NLRP7: variants seen among roughly 807,000 people sequenced by gnomAD.
NLRP7 encodes NLR family pyrin domain containing 7.
Under a neutral mutation model 85.5 loss-of-function variants are expected in NLRP7, and 72 were observed. The ratio of observed to expected loss-of-function variants is 0.84; its 90% CI spans 0.70 to 1.02. The LOEUF (loss-of-function observed/expected upper bound fraction) is 1.02. NLRP7 is among the 50% of genes least tolerant of loss of function. The pLI, the probability that NLRP7 is intolerant of heterozygous loss-of-function variation, is 0.00. For synonymous variants in NLRP7, 550 were observed against 505.2 expected (o/e 1.09, Z -1.19); for missense variants, 1,243 against 1,219.5 (o/e 1.02, Z -0.29).
exon 4 of NLRP7, chr19:54,940,110 C>G: frequency 6.2e-7 from 1 of 1,614,206 alleles, no homozygotes; most frequent in Non-Finnish European, 8.5e-7. Flanking sequence ...CTTGGAATGT[C>G]ATCCTGCAAT....
In NLRP7 at chr19:54,938,078, C is replaced by T. The variant is rs77072552; in HGVS notation, c.2095G>A (p.Val699Ile). 2,487 of 1,614,018 alleles carry T rather than the reference C, an allele frequency of 1.5e-3. 70 individuals carry two copies. The East Asian group carries it at 0.044, about 29-fold the overall frequency. The stretch of plus-strand genomic sequence containing the variant: ...TGCAGATGACAGGTGCTACGGGTTA[C>T]GTGGTCACAAAGAATCCGCACAGAA... Residue 699 changes from valine to isoleucine, a missense_variant, in exon 5 of 10, where the codon GTA (valine) becomes ATA (isoleucine). Around this residue, in one of 3 missense-constraint regions of NLRP7, gnomAD observed 613 missense variants for 588.4 expected, o/e 1.04. Transcript: ENST00000340844.
chr19:54,951,843 C>T (rs373135286), upstream of NLRP7, among the ~76,000 whole-genome samples: 61 of 152,020 alleles, frequency 4.0e-4, no homozygotes, highest in East Asian at 8.0e-3. Context: ...CTCCGCCTCC[C>T]GGGTTCACAC....
At chr19:54,940,351 C>T (rs759303474) in exon 4 of NLRP7, 13 of 1,614,000 alleles carry the variant, frequency 8.1e-6, no homozygotes, top group Non-Finnish European at 1.1e-5. Context: ...ATGGAATGAA[C>T]CGTTGGTTTC....
chr19:54,952,994 G>C (rs112512494), intron 1 of NLRP7: 10,729 of 152,150 alleles, frequency 0.071, 492 homozygotes, highest in Non-Finnish European at 0.097. Context: ...AAATTAGTCA[G>C]GCGTGGTGGC....
chr19:54,946,544 GC>G (rs1384576566), intron 1 of NLRP7, among the ~76,000 whole-genome samples: 1 of 151,538 alleles, frequency 6.6e-6, no homozygotes, highest in African/African-American at 2.4e-5. Flanking sequence ...AGGCTGGAGT[GC>G]AGTGGCTCAA....
chr19:54,931,287 G>C (rs749160682), intron 8 of NLRP7, among the ~76,000 whole-genome samples: 2 of 151,916 alleles, frequency 1.3e-5, no homozygotes, highest in Non-Finnish European at 1.5e-5. Flanking sequence ...GGCCGGGCGC[G>C]GTGGCTCAAA....
chr19:54,956,841 G>C (rs2069873446), intron 1 of NLRP7, among the ~76,000 whole-genome samples: 1 of 151,582 alleles, frequency 6.6e-6, no homozygotes, highest in East Asian at 2.0e-4. Context: ...TGTTGGCCAG[G>C]CTTGTCTCGA....
intron 1 of NLRP7, among the ~76,000 whole-genome samples, chr19:54,962,812 G>A (rs1348402658): frequency 1.3e-5 from 2 of 149,532 alleles, no homozygotes; most frequent in Non-Finnish European, 3.0e-5. Flanking sequence ...TGTTAGCCAG[G>A]ATGGTCTCCA....
intron 1 of NLRP7, among the ~76,000 whole-genome samples, chr19:54,957,105 T>C (rs2069882434): frequency 6.6e-6 from 1 of 151,970 alleles, no homozygotes; most frequent in Non-Finnish European, 1.5e-5. Flanking sequence ...CACTGCAACC[T>C]CCACCTCCCG....
chr19:54,955,872 C>G (rs2069834609), intron 1 of NLRP7, among the ~76,000 whole-genome samples: 1 of 152,084 alleles, frequency 6.6e-6, no homozygotes, highest in Non-Finnish European at 1.5e-5. Context: ...GACATTCGCT[C>G]CCATGCCTGG....
intron 1 of NLRP7, among the ~76,000 whole-genome samples, chr19:54,944,719 G>C (rs1200239168): frequency 6.6e-6 from 1 of 151,946 alleles, no homozygotes; most frequent in Non-Finnish European, 1.5e-5. Context: ...GAGCATGAGA[G>C]CCCAGGAGTT....
intron 1 of NLRP7, among the ~76,000 whole-genome samples, chr19:54,960,241 T>C (rs182357487): frequency 2.6e-5 from 4 of 151,418 alleles, no homozygotes; most frequent in African/African-American, 9.7e-5. Flanking sequence ...CTGCAACCTC[T>C]GCTTCCCGGG....
At chr19:54,931,668 A>G (rs1186318446) in intron 8 of NLRP7, among the ~76,000 whole-genome samples, 1 of 134,800 alleles carries the variant, frequency 7.4e-6, no homozygotes, top group Non-Finnish European at 1.6e-5. Flanking sequence ...AGCCTGGGCA[A>G]GAGCGAAACT....
intron 9 of NLRP7, among the ~76,000 whole-genome samples, chr19:54,926,903 G>A (rs2068463184): frequency 7.8e-6 from 1 of 128,088 alleles, no homozygotes; most frequent in Non-Finnish European, 1.6e-5. Context: ...GGGACAGAGA[G>A]AGACTCTGTC....
At chr19:54,959,395 C>T (rs1242647206) in intron 1 of NLRP7, among the ~76,000 whole-genome samples, 1 of 151,496 alleles carries the variant, frequency 6.6e-6, no homozygotes, top group Admixed American at 6.6e-5. Context: ...CCTTGGCCTC[C>T]CAAAGTGCTG....
chr19:54,953,314 T>G (rs2069731809), intron 1 of NLRP7: 1 of 152,112 alleles, frequency 6.6e-6, no homozygotes, highest in Non-Finnish European at 1.5e-5. Context: ...TTTTAAGGGC[T>G]CACAACTCTA....
chr19:54,951,437 C>T (rs536283464), upstream of NLRP7, among the ~76,000 whole-genome samples: 69 of 152,022 alleles, frequency 4.5e-4, no homozygotes, highest in Non-Finnish European at 7.4e-4. Flanking sequence ...ATCCCAGCTA[C>T]TCGAGAGGCT....
chr19:54,923,942 G>A, intron 9 of NLRP7, 70 bp from the exon 11 acceptor site: 1 of 1,516,916 alleles, frequency 6.6e-7, no homozygotes, highest in Non-Finnish European at 9.1e-7. Context: ...CTGAATATCT[G>A]TTTTCAAACA....
chr19:54,939,321 C>A (rs1444678573), exon 4 of NLRP7: 3 of 1,614,140 alleles, frequency 1.9e-6, no homozygotes, highest in Non-Finnish European at 2.5e-6. Flanking sequence ...AGCTTCTGTA[C>A]GTCCCCGATG....
Sources: allele counts gnomAD v4.1 joint callset (sites outside exome capture counted in the v4.1 genomes callset), GRCh38; gene constraint gnomAD v4.1.1; regional missense constraint gnomAD v4.1.1; transcripts MANE v1.5; gene names NCBI Gene and HGNC (gene_info 2026-07-23, HGNC 2026-07-21).